ACBD3: variants seen among roughly 807,000 people sequenced by gnomAD.
ACBD3 encodes Golgi resident protein GCP60.
ACBD3 carries 30 observed loss-of-function variants against 66.9 expected under a neutral mutation model. That is an observed-to-expected ratio of 0.45 (90% CI 0.34 to 0.61). ACBD3 has a LOEUF of 0.61. Among genes scored for constraint, ACBD3 ranks in the 20% least tolerant of loss-of-function variants. The pLI, the probability that ACBD3 is intolerant of heterozygous loss-of-function variation, is 0.02. For missense variants in ACBD3, 544 were observed against 664.5 expected, an observed-to-expected ratio of 0.82 and a Z score of 1.99; for synonymous variants, 278 against 259.8, an observed-to-expected ratio of 1.07 and a Z score of -0.68.
At chr1:226,149,527 A>ATTTTTTTTTT (rs1558122597) in intron 7 of ACBD3, among the ~76,000 whole-genome samples, 5 of 34,174 alleles carry the variant, frequency 1.5e-4, no homozygotes, top group African/African-American at 6.0e-4. Context: ...GCGCCCAGCC[A>ATTTTTTTTTT]TCTTTTTTTT....
At position 226,177,042 on chromosome 1, in the gene ACBD3, CGTGA is replaced by C. The variant is rs553602949; in HGVS notation, c.286+9344_286+9347del. ...TAATGTACCGAAGATTACATTCAGCCGTGAGTAACAGGAAACACCCACAATATTC... is the reference window on the plus strand; with the variant it reads ...TAATGTACCGAAGATTACATTCAGCCGTAACAGGAAACACCCACAATATTC... On this transcript the variant is annotated intron_variant, in intron 1 of 7. Coordinates refer to ENST00000366812, the MANE Select transcript of ACBD3 (RefSeq NM_022735.4). Among the ~76,000 whole-genome samples the C allele has an allele frequency of 3.9e-3, 598 of 152,252 alleles. 2 individuals carry two copies. Among genetic ancestry groups the C allele is most frequent in the Non-Finnish European group, 5.8e-3 (392 of 68,022 alleles).
At position 226,152,622 on chromosome 1, in the gene ACBD3, A is replaced by G; in HGVS notation, c.1091-3T>C. Reference sequence around the variant, plus strand: ...AGCTGCTATTACTGGAAGAGATTCTAAAGGCAATAGGTATTAAAAAGCTAA... The same window carrying G: ...AGCTGCTATTACTGGAAGAGATTCTGAAGGCAATAGGTATTAAAAAGCTAA... On this transcript the variant is annotated splice_region_variant and splice_polypyrimidine_tract_variant and intron_variant, in intron 6 of 7. Coordinates refer to ENST00000366812, the MANE Select transcript of ACBD3 (RefSeq NM_022735.4). 1 of 1,613,360 alleles carries G rather than the reference A, an allele frequency of 6.2e-7. No homozygotes were observed. Among genetic ancestry groups the G allele is most frequent in the Non-Finnish European group, 8.5e-7 (1 of 1,179,552 alleles).
rs560556319 is a variant in ACBD3, at chr1:226,167,702, ATG to A, written c.287-1704_287-1703del. Among the ~76,000 whole-genome samples the A allele has an allele frequency of 6.8e-3, 1,039 of 152,344 alleles. 8 individuals carry two copies. Among genetic ancestry groups the A allele is most frequent in the Non-Finnish European group, 7.6e-3 (514 of 68,026 alleles). ...CTTGAAAGTAGCATATGCTACTTAT[ATG>A]TCTCATTCATGTATATAGTGGTGAA... On this transcript the variant is annotated intron_variant, in intron 1 of 7. Coordinates refer to ENST00000366812, the MANE Select transcript of ACBD3 (RefSeq NM_022735.4).
chr1:226,164,275 C>A (rs1357742812), intron 3 of ACBD3, among the ~76,000 whole-genome samples: 2 of 151,972 alleles, frequency 1.3e-5, no homozygotes, highest in African/African-American at 4.8e-5. Context: ...TTCACAACTA[C>A]AACAGAGAAT....
chr1:226,150,492 C>T (rs553811468), intron 7 of ACBD3, among the ~76,000 whole-genome samples: 1 of 152,288 alleles, frequency 6.6e-6, no homozygotes, highest in South Asian at 2.1e-4. Flanking sequence ...GATTCTCCTG[C>T]CTCAGCCTCC....
intron 1 of ACBD3, 141 bp downstream of exon 1, chr1:226,186,249 A>T: frequency 8.8e-7 from 1 of 1,140,148 alleles, no homozygotes; most frequent in Non-Finnish European, 1.1e-6. Flanking sequence ...GGTACCCCCA[A>T]GGAGGGAACC....
At chr1:226,185,462 A>T (rs1294101601) in intron 1 of ACBD3, among the ~76,000 whole-genome samples, 2 of 152,146 alleles carry the variant, frequency 1.3e-5, no homozygotes, top group African/African-American at 2.4e-5. Context: ...CCTAGCAACC[A>T]CTTTTAAAGT....
chr1:226,179,960 C>T (rs1656134656), intron 1 of ACBD3, among the ~76,000 whole-genome samples: 1 of 152,002 alleles, frequency 6.6e-6, no homozygotes, highest in African/African-American at 2.4e-5. Flanking sequence ...ATCACAAGGT[C>T]AGGAGTTCAA....
chr1:226,166,174 T>G (rs1659874336), intron 1 of ACBD3, among the ~76,000 whole-genome samples, 174 bp from the exon 2 acceptor site: 1 of 152,192 alleles, frequency 6.6e-6, no homozygotes, highest in South Asian at 2.1e-4. Flanking sequence ...TTTTTATTTT[T>G]AGACAGAGTC....
intron 5 of ACBD3, among the ~76,000 whole-genome samples, chr1:226,156,523 CAT>C (rs1463251079): frequency 2.6e-5 from 4 of 152,122 alleles, no homozygotes; most frequent in African/African-American, 7.2e-5. Context: ...CACACGCACA[CAT>C]ACACACACAC....
chr1:226,168,389 T>C (rs1659914234), intron 1 of ACBD3, among the ~76,000 whole-genome samples: 1 of 152,174 alleles, frequency 6.6e-6, no homozygotes, highest in Admixed American at 6.6e-5. Flanking sequence ...CCAGTTCTCA[T>C]TACATATGCT....
Position 226,186,640 on chromosome 1 carries a change from C to T in ACBD3, c.36G>A (p.Val12=). The T allele has an allele frequency of 6.6e-7, 1 of 1,514,712 alleles. No homozygotes were observed. The highest frequency in any genetic ancestry group is 8.8e-7 in the Non-Finnish European group (1 of 1,138,768). The allele number at this position is 1,514,712 out of a possible 1,614,324, so 93.8% of individuals were successfully genotyped here. The change falls in exon 1 of 8, where the codon GTG becomes GTA. Residue 12 remains valine, a synonymous_variant. Coordinates refer to ENST00000366812, the MANE Select transcript of ACBD3 (RefSeq NM_022735.4). ...AAVLNAERLE[V]SVDGLTLSPD... Reference sequence around the variant, plus strand: ...GGCTGAGCGTGAGGCCGTCGACGGACACCTCGAGTCGCTCTGCGTTCAGCA... The same window carrying T: ...GGCTGAGCGTGAGGCCGTCGACGGATACCTCGAGTCGCTCTGCGTTCAGCA...
chr1:226,185,634 A>AG (rs1447595256), intron 1 of ACBD3, among the ~76,000 whole-genome samples: 1 of 150,172 alleles, frequency 6.7e-6, no homozygotes, highest in African/African-American at 2.4e-5. Context: ...AAAAAAAAAA[A>AG]CCGCACACTA....
chr1:226,162,517 T>A (rs1194655410), intron 3 of ACBD3, among the ~76,000 whole-genome samples: 5 of 152,180 alleles, frequency 3.3e-5, no homozygotes, highest in African/African-American at 1.2e-4. Context: ...AGGGCAGCCC[T>A]TGCCCAGCTT....
chr1:226,159,993 T>A (rs1305645697), intron 4 of ACBD3, among the ~76,000 whole-genome samples: 3 of 152,214 alleles, frequency 2.0e-5, no homozygotes, highest in African/African-American at 4.8e-5. Context: ...GTCCACAGCA[T>A]TTAATTTAAA....
At chr1:226,185,142 G>A (rs547200793) in intron 1 of ACBD3, among the ~76,000 whole-genome samples, 3 of 151,996 alleles carry the variant, frequency 2.0e-5, no homozygotes, top group Admixed American at 1.3e-4. Flanking sequence ...AATTCAAGCC[G>A]GTGATCTAAA....
rs1225310787 is a variant in ACBD3, at chr1:226,146,953, G to A, written c.1376-132C>T. 7 of 839,800 alleles carry A rather than the reference G, an allele frequency of 8.3e-6. No individual in the cohort carries two copies. The East Asian group carries it at 1.3e-4, about 15-fold the overall frequency. The allele number at this position is 839,800 out of a possible 1,614,324, so 52.0% of individuals were successfully genotyped here. ...GTCACCCAGGATGGAGTGCAGCGGC[G>A]TGATCTCAGCTCATTGCAACCTCCA... On this transcript the variant is annotated intron_variant, in intron 7 of 7. Coordinates refer to ENST00000366812, the MANE Select transcript of ACBD3 (RefSeq NM_022735.4).
chr1:226,152,393 T>C lies in ACBD3; in HGVS notation c.1317A>G (p.Pro439=). The part of the protein sequence containing the change: ...FGVYFEWTDS[P]NTAVSVHVSE... ...TGACATGCACGCTGACAGCAGTGTT[T>C]GGAGAGTCTGTCCATTCAAAATACA... is the stretch of plus-strand genomic sequence containing the variant. The change falls in exon 7 of 8, where the codon CCA becomes CCG. Residue 439 remains proline, a synonymous_variant. Transcript: ENST00000366812. The C allele has an allele frequency of 6.2e-7, 1 of 1,614,242 alleles. No homozygotes were observed. Among genetic ancestry groups the C allele is most frequent in the Non-Finnish European group, 8.5e-7 (1 of 1,180,046 alleles).
rs750222474 is a variant in ACBD3 at position 226,165,900 on chromosome 1, A to G, written c.387T>C (p.Cys129=). ...ACACATCAAAGAATCCAACCTCAGGACAAGTGTCTGGATTATATGGGCCCA... is the reference window on the plus strand; with the variant it reads ...ACACATCAAAGAATCCAACCTCAGGGCAAGTGTCTGGATTATATGGGCCCA... The part of the protein sequence containing the change: ...VLMGPYNPDT[C]PEVGFFDVLG... Residue 129 remains cysteine, a synonymous_variant, in exon 2 of 8, where the codon TGT becomes TGC. Transcript: ENST00000366812. 6.2e-7 allele frequency: 1 copy of G among 1,613,002 alleles called. No individual in the cohort carries two copies. The highest frequency in any genetic ancestry group is 8.5e-7 in the Non-Finnish European group (1 of 1,179,702).
Sources: allele counts gnomAD v4.1 joint callset (sites outside exome capture counted in the v4.1 genomes callset), GRCh38; gene constraint gnomAD v4.1.1; transcripts MANE v1.5; gene names NCBI Gene and HGNC (gene_info 2026-07-23, HGNC 2026-07-21).